SEMA4D: variants seen among roughly 807,000 people sequenced by gnomAD.
SEMA4D encodes semaphorin-4D.
SEMA4D carries 22 observed loss-of-function variants against 74.8 expected under a neutral mutation model. The ratio of observed to expected loss-of-function variants is 0.29; its 90% CI spans 0.21 to 0.42. The LOEUF is 0.42. Ranked by LOEUF, SEMA4D falls within the 10% of genes least tolerant of loss-of-function variation. The probability of loss-of-function intolerance (pLI) is 1.00; values close to 1 mark genes in which losing one functional copy is unlikely to be tolerated. For synonymous variants in SEMA4D, 445 were observed against 463.7 expected (o/e 0.96, Z 0.52); for missense variants, 937 against 1,118.4 (o/e 0.84, Z 2.31).
intron 1 of SEMA4D, among the ~76,000 whole-genome samples, chr9:89,470,042 T>C (rs1016865660): frequency 1.3e-5 from 2 of 152,128 alleles, no homozygotes; most frequent in African/African-American, 4.8e-5. Flanking sequence ...TTAGAATAAG[T>C]GAGGTTAAGC....
intron 1 of SEMA4D, among the ~76,000 whole-genome samples, chr9:89,482,262 C>T (rs1027252408): frequency 6.6e-6 from 1 of 152,182 alleles, no homozygotes; most frequent in Admixed American, 6.5e-5. Flanking sequence ...ACCAAGCAGG[C>T]CACACCTGGA....
intron 16 of SEMA4D, among the ~76,000 whole-genome samples, chr9:89,372,145 T>G (rs1180746623): frequency 4.7e-5 from 1 of 21,334 alleles, no homozygotes; most frequent in Non-Finnish European, 7.7e-5. Flanking sequence ...GGGGGCGTGG[T>G]GTGTGTCGGG....
intron 15 of SEMA4D, 105 bp from the exon 16 acceptor site, chr9:89,379,734 G>C: frequency 1.5e-6 from 2 of 1,308,760 alleles, no homozygotes; most frequent in Non-Finnish European, 1.0e-6. Context: ...ACCCACTGTA[G>C]CAACATGGAA....
chr9:89,463,380 C>A (rs1052455971), intron 1 of SEMA4D, among the ~76,000 whole-genome samples: 1 of 152,210 alleles, frequency 6.6e-6, no homozygotes, highest in Non-Finnish European at 1.5e-5. Context: ...GAGGCTCACA[C>A]CAGCCATCTT....
Position 89,449,951 on chromosome 9 carries a change from G to A in SEMA4D, c.-244+5937C>T, listed in dbSNP as rs1587981213. 4 of 1,532,222 alleles carry A rather than the reference G, an allele frequency of 2.6e-6. No individual in the cohort carries two copies. The South Asian group carries it at 3.4e-5, about 13-fold the overall frequency. The allele number at this position is 1,532,222 out of a possible 1,614,324, so 94.9% of individuals were successfully genotyped here. A position where few individuals can be genotyped will look rare whatever the true frequency, so the allele number is the denominator to read the frequency against. On this transcript the variant is annotated intron_variant, in intron 2 of 15. Transcript: ENST00000422704. ...GTACTTTTCTGACTGATGTAGCTCA[G>A]GGGACCCAAGTAACAGGGAGGAAAG...
intron 2 of SEMA4D, among the ~76,000 whole-genome samples, chr9:89,411,074 G>A (rs1344195774): frequency 6.6e-6 from 1 of 152,212 alleles, no homozygotes; most frequent in East Asian, 1.9e-4. Flanking sequence ...GGAAGCGAGT[G>A]GAGGAGAGGC....
intron 2 of SEMA4D, among the ~76,000 whole-genome samples, chr9:89,428,721 C>T (rs552573049): frequency 6.6e-6 from 1 of 152,382 alleles, no homozygotes; most frequent in East Asian, 1.9e-4. Flanking sequence ...CCTACAGGAC[C>T]ATGGTGCACA....
chr9:89,371,753 GGTGT>G (rs1230503306), intron 16 of SEMA4D, among the ~76,000 whole-genome samples: 1 of 96,790 alleles, frequency 1.0e-5, no homozygotes, highest in Non-Finnish European at 2.1e-5. Flanking sequence ...TGTCGGGTGT[GGTGT>G]GTGTGTGGGG....
chr9:89,441,995 G>A (rs1206120861), intron 2 of SEMA4D, among the ~76,000 whole-genome samples: 2 of 152,246 alleles, frequency 1.3e-5, no homozygotes, highest in Non-Finnish European at 2.9e-5. Flanking sequence ...TGGACTGTAA[G>A]GCTCTGTTAT....
Position 89,471,948 on chromosome 9 carries a change from A to G in SEMA4D, c.-309-15995T>C, listed in dbSNP as rs559481261. On this transcript the variant is annotated intron_variant, in intron 1 of 15. Coordinates refer to ENST00000422704, the MANE Select transcript of SEMA4D (RefSeq NM_001371194.2). ...GAGGTGCATGCCAGCTCAGGTGCAC[A>G]CCAACTCAGGTGCATATAGGCTGAG... Among the ~76,000 whole-genome samples the G allele has an allele frequency of 3.6e-5, 5 of 140,646 alleles. No homozygotes were observed. In the East Asian group the frequency reaches 6.6e-4, roughly 19 times the overall value. The allele number at this position is 140,646 out of a possible 152,430, so 92.3% of individuals were successfully genotyped here.
intron 1 of SEMA4D, among the ~76,000 whole-genome samples, chr9:89,467,186 G>A (rs936198179): frequency 2.0e-5 from 3 of 152,116 alleles, no homozygotes; most frequent in East Asian, 1.9e-4. Context: ...ATGGGTACAC[G>A]GCCCTTGCAC....
At chr9:89,462,681 G>C (rs1046636036) in intron 1 of SEMA4D, among the ~76,000 whole-genome samples, 1 of 151,828 alleles carries the variant, frequency 6.6e-6, no homozygotes, top group Non-Finnish European at 1.5e-5. Flanking sequence ...GCAGGGGCTC[G>C]TGCCTGTAAT....
At chr9:89,437,681 G>A (rs1402459316) in intron 2 of SEMA4D, among the ~76,000 whole-genome samples, 3 of 152,202 alleles carry the variant, frequency 2.0e-5, no homozygotes, top group African/African-American at 7.2e-5. Context: ...CAGGGAGGGA[G>A]GTCTGGCTGA....
rs375517476 is a variant in SEMA4D at position 89,378,778 on chromosome 9, G to C, written c.2515C>G (p.Leu839Val). ...TCAAAGGGCTTGTCCCTGGCAGAAA[G>C]GTCGTCGATCCTCTGTGAGTCCTCC... The part of the protein sequence containing the change: ...DREDSQRIDD[L>V]SARDKPFDVK... The change falls in exon 16 of 16, where the codon CTT becomes GTT. Residue 839 changes from leucine (L) to valine (V), a missense_variant. Transcript: ENST00000422704. The C allele has an allele frequency of 1.1e-5, 17 of 1,614,072 alleles. No individual in the cohort carries two copies. In the East Asian group the frequency reaches 3.3e-4, roughly 32 times the overall value.
intron 2 of SEMA4D, among the ~76,000 whole-genome samples, chr9:89,409,120 A>T (rs1843956575): frequency 6.6e-6 from 1 of 152,244 alleles, no homozygotes; most frequent in African/African-American, 2.4e-5. Context: ...CCATTAGGCC[A>T]TGAAAAGACA....
intron 18 of SEMA4D, among the ~76,000 whole-genome samples, chr9:89,363,270 C>A (rs983586704): frequency 2.0e-5 from 3 of 152,280 alleles, no homozygotes; most frequent in South Asian, 2.1e-4. Flanking sequence ...TGGGATTTCC[C>A]CCCCCAGTGT....
At chr9:89,418,927 C>G (rs550705609) in intron 2 of SEMA4D, 27 of 152,156 alleles carry the variant, frequency 1.8e-4, no homozygotes, top group African/African-American at 6.3e-4. Flanking sequence ...ATGATCACGG[C>G]TCTTTTTTTG....
intron 2 of SEMA4D, among the ~76,000 whole-genome samples, chr9:89,407,775 C>A (rs1188964752): frequency 1.3e-5 from 2 of 152,250 alleles, no homozygotes; most frequent in African/African-American, 2.4e-5. Flanking sequence ...TACACCTGAA[C>A]ACACAGGGCT....
At chr9:89,491,816 G>T (rs1335567753) in intron 1 of SEMA4D, among the ~76,000 whole-genome samples, 1 of 152,172 alleles carries the variant, frequency 6.6e-6, no homozygotes, top group Non-Finnish European at 1.5e-5. Flanking sequence ...AAGGTGATGA[G>T]GAAAATGCTC....
Sources: gnomAD v4.1 joint callset for allele counts (sites outside exome capture counted in the v4.1 genomes callset) on GRCh38, gnomAD v4.1.1 for gene constraint, MANE v1.5 for transcripts, NCBI Gene and HGNC (gene_info 2026-07-23, HGNC 2026-07-21) for gene names.